WDR70: variants seen among roughly 807,000 people sequenced by gnomAD.
The protein encoded by WDR70 is WD repeat-containing protein 70.
Under a neutral mutation model 88.6 loss-of-function variants are expected in WDR70, and 53 were observed. The ratio of observed to expected loss-of-function variants is 0.60; its 90% CI spans 0.48 to 0.75. The LOEUF is 0.75. Ranked by LOEUF, WDR70 falls within the 30% of genes least tolerant of loss-of-function variation. The pLI is 0.00. For missense variants in WDR70, 610 were observed against 823.2 expected (o/e 0.74, Z 3.17); for synonymous variants, 280 against 270.0 (o/e 1.04, Z -0.36).
intron 17 of WDR70, among the ~76,000 whole-genome samples, chr5:37,749,153 C>G (rs555199504): frequency 2.6e-5 from 4 of 152,286 alleles, no homozygotes; most frequent in African/African-American, 9.6e-5. Context: ...AAGACACATG[C>G]ACACGTATGT....
At chr5:37,407,772 TC>T (rs1487312520) in intron 5 of WDR70, among the ~76,000 whole-genome samples, 1 of 151,876 alleles carries the variant, frequency 6.6e-6, no homozygotes. Context: ...TACGAGATCC[TC>T]CTGCCTTGGC....
At chr5:37,670,499 T>A (rs1259152618) in intron 10 of WDR70, among the ~76,000 whole-genome samples, 1 of 152,202 alleles carries the variant, frequency 6.6e-6, no homozygotes, top group Non-Finnish European at 1.5e-5. Context: ...AAAATTATAT[T>A]GTAAAGGGGT....
intron 9 of WDR70, among the ~76,000 whole-genome samples, chr5:37,552,690 A>T (rs1205362617): frequency 6.6e-6 from 1 of 152,100 alleles, no homozygotes. Context: ...AGAGCTGAAA[A>T]TTTTTCTTCA....
intron 3 of WDR70, among the ~76,000 whole-genome samples, chr5:37,388,747 AAAAC>A (rs1451772898): frequency 2.0e-5 from 3 of 150,970 alleles, no homozygotes; most frequent in Non-Finnish European, 4.4e-5. Context: ...TCAAAAAAAA[AAAAC>A]AAAAAGAAAA....
chr5:37,574,922 A>G (rs1262169219), intron 9 of WDR70, among the ~76,000 whole-genome samples: 1 of 152,116 alleles, frequency 6.6e-6, no homozygotes, highest in African/African-American at 2.4e-5. Flanking sequence ...CTTCTCCACA[A>G]TGACCCATGT....
intron 10 of WDR70, among the ~76,000 whole-genome samples, chr5:37,637,967 G>A (rs933947326): frequency 2.6e-5 from 4 of 152,158 alleles, no homozygotes; most frequent in Admixed American, 1.3e-4. Context: ...TGCCACTGAC[G>A]GTGTCACATC....
chr5:37,400,562 C>G (rs1364267081), intron 5 of WDR70, among the ~76,000 whole-genome samples: 3 of 152,122 alleles, frequency 2.0e-5, no homozygotes, highest in African/African-American at 7.2e-5. Context: ...GGAAGAATGG[C>G]TTTTTGAGGA....
chr5:37,515,019 GAAAAAAA>G (rs770128168), intron 8 of WDR70, among the ~76,000 whole-genome samples: 2 of 53,014 alleles, frequency 3.8e-5, no homozygotes, highest in African/African-American at 1.2e-4. Context: ...CCTGTCTCAA[GAAAAAAA>G]AAAAAAAAAG....
chr5:37,454,931 T>G (rs1441857385), intron 7 of WDR70, among the ~76,000 whole-genome samples: 6 of 152,224 alleles, frequency 3.9e-5, no homozygotes, highest in Admixed American at 1.3e-4. Context: ...ACCCTTAGTT[T>G]CCTTGCCTGT....
intron 9 of WDR70, among the ~76,000 whole-genome samples, chr5:37,541,421 A>T (rs1219737619): frequency 6.6e-6 from 1 of 152,230 alleles, no homozygotes; most frequent in Non-Finnish European, 1.5e-5. Context: ...TGTTTTGAAT[A>T]ACTTGCTAAT....
At chr5:37,468,466 A>G (rs1739229233) in intron 7 of WDR70, among the ~76,000 whole-genome samples, 1 of 152,158 alleles carries the variant, frequency 6.6e-6, no homozygotes, top group Non-Finnish European at 1.5e-5. Flanking sequence ...TTTATTTCAC[A>G]TATTGACATT....
At chr5:37,434,775 T>A (rs1396525579) in intron 5 of WDR70, among the ~76,000 whole-genome samples, 1 of 152,354 alleles carries the variant, frequency 6.6e-6, no homozygotes, top group East Asian at 1.9e-4. Context: ...AAATGGTATA[T>A]TTTCCTCTCT....
intron 10 of WDR70, among the ~76,000 whole-genome samples, chr5:37,690,622 G>A (rs375485396): frequency 4.6e-5 from 7 of 152,162 alleles, no homozygotes; most frequent in South Asian, 2.1e-4. Flanking sequence ...CTTCATAAGC[G>A]GAGGAGAACT....
Position 37,435,979 on chromosome 5 carries a change from G to C in WDR70, c.493-1943G>C, listed in dbSNP as rs1750454273. 3.9e-5 allele frequency among the ~76,000 whole-genome samples: 6 copies of C among 151,942 alleles called. No individual in the cohort carries two copies. In the South Asian group the frequency reaches 1.0e-3, roughly 26 times the overall value. ...ATATTTTGCAGTTTGATAAGGGGGT[G>C]GTGGTGGGGGAGATAGGTAAAAAAT... is the stretch of plus-strand genomic sequence containing the variant. On this transcript the variant is annotated intron_variant, in intron 5 of 17. Transcript: ENST00000265107.
chr5:37,606,480 A>G (rs1356250654), intron 10 of WDR70, among the ~76,000 whole-genome samples: 1 of 152,210 alleles, frequency 6.6e-6, no homozygotes, highest in Non-Finnish European at 1.5e-5. Context: ...GTGTAGCTTT[A>G]ATAGTAGTGT....
At chr5:37,695,641 C>T (rs10941361) in intron 10 of WDR70, among the ~76,000 whole-genome samples, 2 of 151,910 alleles carry the variant, frequency 1.3e-5, no homozygotes, top group Admixed American at 6.6e-5. Flanking sequence ...TGAAACACTT[C>T]TCATATCTCA....
At chr5:37,505,131 A>G (rs1183267145) in intron 8 of WDR70, among the ~76,000 whole-genome samples, 2 of 152,182 alleles carry the variant, frequency 1.3e-5, no homozygotes, top group African/African-American at 4.8e-5. Flanking sequence ...TACCCACTGT[A>G]GGGTTCTAGC....
chr5:37,712,027 C>G (rs1191100892), intron 13 of WDR70, among the ~76,000 whole-genome samples: 2 of 136,098 alleles, frequency 1.5e-5, no homozygotes, highest in African/African-American at 2.7e-5. Flanking sequence ...GAGTCTCACT[C>G]GGTCACACAG....
At position 37,403,063 on chromosome 5, in the gene WDR70, C is replaced by T. The variant is rs137975765; in HGVS notation, c.492+6493C>T. Among the ~76,000 whole-genome samples the T allele has an allele frequency of 7.7e-3, 1,155 of 150,610 alleles. 21 individuals carry two copies. Among genetic ancestry groups the T allele is most frequent in the African/African-American group, 0.027 (1,117 of 40,880 alleles). ...CTGGCCTCAAGCCATTCTCGTGCCT[C>T]AGCCTCCTGAGTAGCTGGGATTACA... On this transcript the variant is annotated intron_variant, in intron 5 of 17. Coordinates refer to ENST00000265107, the MANE Select transcript of WDR70 (RefSeq NM_018034.4).
Sources: gnomAD v4.1 joint callset for allele counts (sites outside exome capture counted in the v4.1 genomes callset) on GRCh38, gnomAD v4.1.1 for gene constraint, MANE v1.5 for transcripts, NCBI Gene and HGNC (gene_info 2026-07-23, HGNC 2026-07-21) for gene names.